The following PRKCQ variants were observed in gnomAD, a reference collection of about 807,000 sequenced individuals.
The protein encoded by PRKCQ is protein kinase C theta type.
In PRKCQ, 41 loss-of-function variants were observed where a neutral mutation model predicts 91.2. The observed-to-expected ratio is 0.45, with a 90% CI of 0.35 to 0.58. The LOEUF (loss-of-function observed/expected upper bound fraction) is 0.58, where lower values mean the gene tolerates loss of function less well. Among genes scored for constraint, PRKCQ ranks in the 20% least tolerant of loss-of-function variants. The probability of loss-of-function intolerance (pLI) is 0.00; values close to 1 mark genes in which losing one functional copy is unlikely to be tolerated. For missense variants in PRKCQ, 673 were observed against 896.5 expected (o/e 0.75, Z 3.18); for synonymous variants, 307 against 316.9 (o/e 0.97, Z 0.33).
intron 1 of PRKCQ, among the ~76,000 whole-genome samples, chr10:6,553,513 AAAAAC>A (rs1192606230): frequency 4.6e-5 from 4 of 87,728 alleles, no homozygotes; most frequent in Non-Finnish European, 9.7e-5. Flanking sequence ...AAAAAAAAAA[AAAAAC>A]AAACAAACAA....
chr10:6,403,308 TAGTC>T, the PRKCQ span, among the ~76,000 whole-genome samples: 3 of 152,218 alleles, frequency 2.0e-5, no homozygotes, highest in Admixed American at 6.5e-5. Context: ...GCCAGTGTCT[TAGTC>T]GGAGTAGGGC....
At chr10:6,463,399 G>A (rs1443454286) in intron 13 of PRKCQ, among the ~76,000 whole-genome samples, 3 of 152,170 alleles carry the variant, frequency 2.0e-5, no homozygotes, top group East Asian at 1.9e-4. Context: ...GGCTGGAGAC[G>A]ACAGTGGACT....
the PRKCQ span, among the ~76,000 whole-genome samples, chr10:6,406,225 T>G: frequency 7.2e-5 from 11 of 152,350 alleles, no homozygotes; most frequent in African/African-American, 2.2e-4. Context: ...AAACTGGAGA[T>G]GCCTTAGAGT....
At chr10:6,452,770 T>A (rs200643818) in intron 15 of PRKCQ, among the ~76,000 whole-genome samples, 28 of 150,416 alleles carry the variant, frequency 1.9e-4, no homozygotes, top group East Asian at 9.8e-4. Flanking sequence ...ATAATGCCAC[T>A]TATCTACAAC....
chr10:6,452,826 GAT>G (rs1834772133), intron 15 of PRKCQ, among the ~76,000 whole-genome samples: 1 of 147,760 alleles, frequency 6.8e-6, no homozygotes, highest in Non-Finnish European at 1.5e-5. Flanking sequence ...ATGGGGAAAG[GAT>G]TCCCTATTTA....
At chr10:6,517,050 A>G (rs1238370640) in intron 1 of PRKCQ, among the ~76,000 whole-genome samples, 4 of 152,200 alleles carry the variant, frequency 2.6e-5, no homozygotes, top group South Asian at 2.1e-4. Flanking sequence ...GACCTGACAT[A>G]CACCTGACAT....
the PRKCQ span, among the ~76,000 whole-genome samples, chr10:6,403,241 G>T: frequency 6.6e-6 from 1 of 152,162 alleles, no homozygotes; most frequent in Non-Finnish European, 1.5e-5. Flanking sequence ...GGTGGGGTGC[G>T]GCAGGATTCA....
intron 1 of PRKCQ, among the ~76,000 whole-genome samples, chr10:6,554,251 T>C (rs1261949658): frequency 1.3e-5 from 2 of 152,170 alleles, no homozygotes; most frequent in East Asian, 3.8e-4. Context: ...CCAAAGTCCA[T>C]GCAACGTTGC....
At chr10:6,562,932 C>G (rs1348661645) in intron 1 of PRKCQ, among the ~76,000 whole-genome samples, 1 of 152,164 alleles carries the variant, frequency 6.6e-6, no homozygotes, top group Admixed American at 6.5e-5. Flanking sequence ...AAAGAACACT[C>G]ATCATGTTTT....
At chr10:6,524,629 G>A (rs540237903) in intron 1 of PRKCQ, among the ~76,000 whole-genome samples, 1 of 152,362 alleles carries the variant, frequency 6.6e-6, no homozygotes, top group East Asian at 1.9e-4. Flanking sequence ...CCCTCTTACA[G>A]GACAGAGCTC....
At chr10:6,493,309 C>T (rs1386208135) in intron 7 of PRKCQ, among the ~76,000 whole-genome samples, 3 of 151,930 alleles carry the variant, frequency 2.0e-5, no homozygotes, top group Non-Finnish European at 4.4e-5. Context: ...TTTCAAATGT[C>T]GATTTTTTGT....
At chr10:6,434,242 G>A (rs1833576329) in intron 16 of PRKCQ, among the ~76,000 whole-genome samples, 1 of 152,102 alleles carries the variant, frequency 6.6e-6, no homozygotes, top group African/African-American at 2.4e-5. Context: ...AAAGTAGGCT[G>A]GAAGTAACTG....
At chr10:6,421,352 G>A in the PRKCQ span, among the ~76,000 whole-genome samples, 101 of 152,278 alleles carry the variant, frequency 6.6e-4, 2 homozygotes, top group South Asian at 1.0e-2. This position sits in a 1 kb window ranked among gnomAD's most constrained non-coding sequence, Gnocchi z 4.1. Flanking sequence ...AGGCATGGTG[G>A]TGCACATCTG....
At chr10:6,511,608 C>T (rs983344245) in intron 2 of PRKCQ, among the ~76,000 whole-genome samples, 1 of 152,106 alleles carries the variant, frequency 6.6e-6, no homozygotes, top group Admixed American at 6.5e-5. Flanking sequence ...TCTCCATGAC[C>T]AACTAAAACT....
At position 6,563,159 on chromosome 10, in the gene PRKCQ, A is replaced by G. The variant is rs75315348; in HGVS notation, c.-10+17052T>C. ...ATGCAATCACTTTGGCTCAAGAGTGAAGATATTCAGTCGAAAGTGAAGTAA... is the reference window on the plus strand; with the variant it reads ...ATGCAATCACTTTGGCTCAAGAGTGGAGATATTCAGTCGAAAGTGAAGTAA... On this transcript the variant is annotated intron_variant, in intron 1 of 17. Coordinates refer to ENST00000263125, the MANE Select transcript of PRKCQ (RefSeq NM_006257.5). 5.0e-4 allele frequency among the ~76,000 whole-genome samples: 76 copies of G among 152,142 alleles called. 1 individual carries two copies. Among genetic ancestry groups the G allele is most frequent in the East Asian group, 3.1e-3 (16 of 5,182 alleles).
chr10:6,446,857 G>T (rs1834337291), intron 15 of PRKCQ, among the ~76,000 whole-genome samples: 1 of 152,220 alleles, frequency 6.6e-6, no homozygotes, highest in Admixed American at 6.5e-5. Context: ...AGCGAGAGAG[G>T]AACAGTGGTT....
At position 6,430,936 on chromosome 10, in the gene PRKCQ, G is replaced by A. The variant is rs1368867765; in HGVS notation, c.1839C>T (p.Leu613=). The A allele has an allele frequency of 1.2e-6, 2 of 1,613,778 alleles. No individual in the cohort carries two copies. The highest frequency in any genetic ancestry group is 1.7e-5 in the Admixed American group (1 of 60,000). ...GCCTCTTCTCAGGTTCTCGCACGAAGAGCTGAAAGGGAGCAGAGCAGGAGC... is the reference window on the plus strand; with the variant it reads ...GCCTCTTCTCAGGTTCTCGCACGAAAAGCTGAAAGGGAGCAGAGCAGGAGC... ...EKEAKDLLVK[L]FVREPEKRLG... is the part of the protein sequence containing the mutation. The change falls in exon 17 of 18, where the codon CTC becomes CTT. Residue 613 remains leucine (L), a splice_region_variant and synonymous_variant. Coordinates refer to ENST00000263125, the MANE Select transcript of PRKCQ (RefSeq NM_006257.5). This position sits in a 1 kb window ranked among gnomAD's most constrained non-coding sequence, Gnocchi z 4.7.
At chr10:6,578,111 G>C (rs1266151635) in intron 1 of PRKCQ, among the ~76,000 whole-genome samples, 1 of 152,246 alleles carries the variant, frequency 6.6e-6, no homozygotes, top group African/African-American at 2.4e-5. Flanking sequence ...AAGAGACAGA[G>C]AGTATTATTG....
At chr10:6,487,255 C>T (rs550898585) in intron 8 of PRKCQ, among the ~76,000 whole-genome samples, 4 of 152,202 alleles carry the variant, frequency 2.6e-5, no homozygotes, top group East Asian at 1.9e-4. Context: ...GAACTGATGG[C>T]GTAAATTGAC....
Sources: gnomAD v4.1 joint callset for allele counts (sites outside exome capture counted in the v4.1 genomes callset) on GRCh38, gnomAD v4.1.1 for gene constraint, Gnocchi (gnomAD v3.1) non-coding constraint, MANE v1.5 for transcripts, NCBI Gene and HGNC (gene_info 2026-07-23, HGNC 2026-07-21) for gene names.